Variants in EPHX2 observed in about 807,000 individuals in gnomAD.
The protein encoded by EPHX2 is bifunctional epoxide hydrolase 2.
A neutral mutation model predicts 78.7 loss-of-function variants in EPHX2; 74 were observed. That is an observed-to-expected ratio of 0.94 (90% confidence interval 0.78 to 1.14). The LOEUF (loss-of-function observed/expected upper bound fraction) is 1.14, where lower values mean the gene tolerates loss of function less well. EPHX2 is among the 50% of genes most tolerant of loss of function. EPHX2 has a pLI of 0.00. For synonymous variants in EPHX2, 251 were observed against 255.2 expected (o/e 0.98, Z 0.16); for missense variants, 715 against 702.5 (o/e 1.02, Z -0.20).
At position 27,491,170 on chromosome 8, in the gene EPHX2, T is replaced by A; in HGVS notation, c.-39T>A. The A allele has an allele frequency of 6.5e-7, 1 of 1,539,488 alleles. No individual in the cohort carries two copies. Among genetic ancestry groups the A allele is most frequent in the Non-Finnish European group, 8.7e-7 (1 of 1,148,520 alleles). On this transcript the variant is annotated 5_prime_UTR_variant, in exon 1 of 19. Coordinates refer to ENST00000521400, the MANE Select transcript of EPHX2 (RefSeq NM_001979.6). Reference sequence around the variant, plus strand: ...CCTGGCCTTCGCGCATCTCCCAGGTTAGCTGCGTGTCCGGGTGCTAGGCTG... The same window carrying A: ...CCTGGCCTTCGCGCATCTCCCAGGTAAGCTGCGTGTCCGGGTGCTAGGCTG...
At chr8:27,528,818 CAG>C (rs1310967407) in intron 12 of EPHX2, among the ~76,000 whole-genome samples, 2 of 152,220 alleles carry the variant, frequency 1.3e-5, no homozygotes, top group Non-Finnish European at 2.9e-5. Context: ...TTATTTGAGA[CAG>C]AGTCTCACTG....
At chr8:27,518,128 C>T in intron 9 of EPHX2, 56 bp downstream of exon 9, 1 of 1,483,772 alleles carries the variant, frequency 6.7e-7, no homozygotes, top group Non-Finnish European at 9.2e-7. Context: ...TTGCTATAAA[C>T]CCGAAGCTGG....
intron 1 of EPHX2, among the ~76,000 whole-genome samples, chr8:27,492,644 C>T (rs568407694): frequency 3.3e-5 from 5 of 152,310 alleles, no homozygotes; most frequent in Admixed American, 2.0e-4. Context: ...AGCAGGTTGC[C>T]GCTACTGGCT....
chr8:27,500,834 G>T, intron 1 of EPHX2, 92 bp from the exon 2 acceptor site: 2 of 1,170,272 alleles, frequency 1.7e-6, no homozygotes, highest in Non-Finnish European at 1.2e-6. Context: ...CTTTCTAGTG[G>T]CTGCTTCTCA....
At chr8:27,546,605 A>G (rs556341053), downstream of EPHX2, among the ~76,000 whole-genome samples, 91 of 152,304 alleles carry the variant, frequency 6.0e-4, 1 homozygote, top group African/African-American at 2.1e-3. Flanking sequence ...TCAAAACCTA[A>G]AAGCGTCCTT....
chr8:27,504,911 G>GCAAA (rs1393985339), intron 3 of EPHX2, 45 bp from the exon 4 acceptor site: 2 of 1,604,196 alleles, frequency 1.2e-6, no homozygotes, highest in African/African-American at 2.7e-5. Flanking sequence ...GCATTTCAGG[G>GCAAA]CAAAGGTCTG....
Position 27,545,320 on chromosome 8 carries a change from C to G in EPHX2, c.*798C>G, listed in dbSNP as rs1167900564. The G allele has an allele frequency of 8.5e-5, 13 of 152,566 alleles. No individual in the cohort carries two copies. The highest frequency in any genetic ancestry group is 3.1e-4 in the African/African-American group (13 of 41,532). The allele number at this position is 152,566 out of a possible 1,614,324, so 9.5% of individuals were successfully genotyped here. A position where few individuals can be genotyped will look rare whatever the true frequency, so the allele number is the denominator to read the frequency against. On this transcript the variant is annotated 3_prime_UTR_variant, in exon 19 of 19. Coordinates refer to ENST00000521400, the MANE Select transcript of EPHX2 (RefSeq NM_001979.6). The stretch of plus-strand genomic sequence containing the variant: ...ATCCAGCTCATCTTCCCCTCTGCCC[C>G]CTCCTCCCTATCTTCCCCTCTACCC...
intron 18 of EPHX2, 31 bp from the exon 19 acceptor site, chr8:27,544,413 T>A: frequency 6.2e-7 from 1 of 1,613,496 alleles, no homozygotes; most frequent in Non-Finnish European, 8.5e-7. Flanking sequence ...TGAATGGCTA[T>A]TTTTTTCTTT....
chr8:27,501,325 T>TTCTTCTTCC (rs1563340055), intron 2 of EPHX2, among the ~76,000 whole-genome samples: 1 of 13,686 alleles, frequency 7.3e-5, no homozygotes, highest in Non-Finnish European at 1.4e-4. Flanking sequence ...GCTATATATT[T>TTCTTCTTCC]TCTTCTTCTT....
Position 27,496,486 on chromosome 8 carries a change from T to C in EPHX2, c.102-4440T>C, listed in dbSNP as rs1010704050. 1.1e-4 allele frequency among the ~76,000 whole-genome samples: 16 copies of C among 152,114 alleles called. 1 individual carries two copies. The highest frequency in any genetic ancestry group is 3.4e-4 in the African/African-American group (14 of 41,402). ...AATGCAGAGGAAGGCATCCTTGAGG[T>C]CCAGAACAATGAACCATTCTGCTTC... On this transcript the variant is annotated intron_variant, in intron 1 of 18. Coordinates refer to ENST00000521400, the MANE Select transcript of EPHX2 (RefSeq NM_001979.6).
At position 27,543,841 on chromosome 8, in the gene EPHX2, G is replaced by GA; in HGVS notation, c.1530+12_1530+13insA. ...ACATGGAGGACTGGGTGAGGGAATG[G>GA]CCCTGTACAAGGGTCATCAGTGCAC... is the stretch of plus-strand genomic sequence containing the variant. On this transcript the variant is annotated intron_variant, in intron 17 of 18. Coordinates refer to ENST00000521400, the MANE Select transcript of EPHX2 (RefSeq NM_001979.6). 5 of 1,614,018 alleles carry GA rather than the reference G, an allele frequency of 3.1e-6. No individual in the cohort carries two copies. Among genetic ancestry groups the GA allele is most frequent in the Non-Finnish European group, 4.2e-6 (5 of 1,179,936 alleles).
intron 9 of EPHX2, among the ~76,000 whole-genome samples, chr8:27,519,463 C>T (rs749672449): frequency 1.3e-5 from 2 of 152,254 alleles, no homozygotes; most frequent in Non-Finnish European, 2.9e-5. Flanking sequence ...GCAAGCTCTA[C>T]AGGGCAGCTG....
chr8:27,501,390 CTTCTTT>C (rs1563340470), intron 2 of EPHX2, among the ~76,000 whole-genome samples: 2 of 99,096 alleles, frequency 2.0e-5, no homozygotes, highest in Admixed American at 1.0e-4. Flanking sequence ...TCTTCTTCTT[CTTCTTT>C]CTTCTTTCTT....
chr8:27,537,382 TTGG>T (rs1761720798), intron 13 of EPHX2, among the ~76,000 whole-genome samples: 1 of 152,262 alleles, frequency 6.6e-6, no homozygotes, highest in Non-Finnish European at 1.5e-5. Context: ...TAAGAGTCTG[TTGG>T]TGGTAAATTC....
At chr8:27,533,985 C>T (rs1815129171) in intron 12 of EPHX2, among the ~76,000 whole-genome samples, 1 of 152,156 alleles carries the variant, frequency 6.6e-6, no homozygotes, top group Non-Finnish European at 1.5e-5. Flanking sequence ...CCTTCAAACA[C>T]TGAAATGCAC....
chr8:27,516,462 C>T lies in EPHX2; in HGVS notation c.910+64C>T, dbSNP rs67750494. ...GCCTTCTACCTGCCTGAGCGCTCCA[C>T]GCCTCGGTGCTTTCCCTGGTCCCAG... On this transcript the variant is annotated intron_variant, in intron 8 of 18. Coordinates refer to ENST00000521400, the MANE Select transcript of EPHX2 (RefSeq NM_001979.6). 2.9e-3 allele frequency: 4,201 copies of T among 1,449,034 alleles called. 96 individuals are homozygous for T. The African/African-American group carries it at 0.051, about 18-fold the overall frequency. The allele number at this position is 1,449,034 out of a possible 1,614,324, so 89.8% of individuals were successfully genotyped here. A position where few individuals can be genotyped will look rare whatever the true frequency, so the allele number is the denominator to read the frequency against.
At chr8:27,491,935 C>G (rs1813393897) in intron 1 of EPHX2, among the ~76,000 whole-genome samples, 1 of 150,528 alleles carries the variant, frequency 6.6e-6, no homozygotes, top group African/African-American at 2.5e-5. Context: ...TTTTCTTTCT[C>G]TCTCTCTTTT....
chr8:27,537,549 A>C (rs1815252499), intron 13 of EPHX2, among the ~76,000 whole-genome samples: 1 of 152,178 alleles, frequency 6.6e-6, no homozygotes, highest in South Asian at 2.1e-4. Flanking sequence ...TTAGCCAATT[A>C]ATTGTCCTGG....
intron 3 of EPHX2, among the ~76,000 whole-genome samples, chr8:27,504,091 G>C (rs544219294): frequency 6.6e-6 from 1 of 152,174 alleles, no homozygotes; most frequent in African/African-American, 2.4e-5. Flanking sequence ...GGCCTTTTTA[G>C]CAACTGTGAT....
Sources: allele counts gnomAD v4.1 joint callset (sites outside exome capture counted in the v4.1 genomes callset), GRCh38; gene constraint gnomAD v4.1.1; transcripts MANE v1.5; gene names NCBI Gene and HGNC (gene_info 2026-07-23, HGNC 2026-07-21).